The following RTN1 variants were observed in gnomAD, a reference collection of about 807,000 sequenced individuals.
RTN1 encodes reticulon-1.
RTN1 carries 25 observed loss-of-function variants against 65.5 expected under a neutral mutation model. That is an observed-to-expected ratio of 0.38 (90% CI 0.28 to 0.53). The LOEUF (loss-of-function observed/expected upper bound fraction) is 0.53, where lower values mean the gene tolerates loss of function less well. Ranked by LOEUF, RTN1 falls within the 20% of genes least tolerant of loss-of-function variation. RTN1 has a pLI of 0.79. For missense variants in RTN1, 983 were observed against 1,025.4 expected, an observed-to-expected ratio of 0.96 and a Z score of 0.57; for synonymous variants, 471 against 447.6, an observed-to-expected ratio of 1.05 and a Z score of -0.66.
intron 3 of RTN1, among the ~76,000 whole-genome samples, chr14:59,653,016 A>T (rs926046405): frequency 1.3e-5 from 2 of 152,142 alleles, no homozygotes; most frequent in African/African-American, 4.8e-5. Context: ...TTTAAGACAT[A>T]ATCCTGGAAA....
chr14:59,748,216 T>G (rs1302183274), intron 1 of RTN1, among the ~76,000 whole-genome samples: 2 of 151,526 alleles, frequency 1.3e-5, no homozygotes, highest in African/African-American at 2.4e-5. Context: ...TGAGGTTTTT[T>G]TTTTTTTTTT....
At chr14:59,601,532 T>C (rs1303665589) in intron 8 of RTN1, among the ~76,000 whole-genome samples, 1 of 152,214 alleles carries the variant, frequency 6.6e-6, no homozygotes, top group Non-Finnish European at 1.5e-5. Flanking sequence ...GTACCTATCA[T>C]ATGAAGTGTC....
At chr14:59,798,747 A>G in intron 1 of RTN1, among the ~76,000 whole-genome samples, 1 of 149,802 alleles carries the variant, frequency 6.7e-6, no homozygotes, top group South Asian at 2.1e-4. Flanking sequence ...CTTTTGCCAT[A>G]TAATGTAAAA....
intron 3 of RTN1, among the ~76,000 whole-genome samples, chr14:59,697,598 G>T (rs906542158): frequency 6.6e-6 from 1 of 152,016 alleles, no homozygotes; most frequent in Non-Finnish European, 1.5e-5. Flanking sequence ...AGAAAAATAG[G>T]GTTAGCCTAA....
chr14:59,658,171 A>T (rs1883163902), intron 3 of RTN1, among the ~76,000 whole-genome samples: 1 of 152,228 alleles, frequency 6.6e-6, no homozygotes, highest in African/African-American at 2.4e-5. Context: ...CAGCTTAGCA[A>T]AGCCACTGTA....
chr14:59,750,520 T>G (rs1179764808), intron 1 of RTN1, among the ~76,000 whole-genome samples: 1 of 55,102 alleles, frequency 1.8e-5, no homozygotes, highest in Non-Finnish European at 3.0e-5. Flanking sequence ...ATATAATATA[T>G]CTATAATATA....
chr14:59,626,339 TG>T (rs1243327627), intron 3 of RTN1, among the ~76,000 whole-genome samples: 1 of 152,224 alleles, frequency 6.6e-6, no homozygotes, highest in Non-Finnish European at 1.5e-5. Context: ...TTATGCTCTC[TG>T]GAAAGTGTTT....
intron 3 of RTN1, among the ~76,000 whole-genome samples, chr14:59,644,982 C>T (rs1317012801): frequency 1.3e-5 from 2 of 151,890 alleles, no homozygotes; most frequent in Admixed American, 6.6e-5. Flanking sequence ...ACCATCTTTG[C>T]TGTTTCACAG....
At chr14:59,703,728 A>T (rs1884230459) in intron 3 of RTN1, among the ~76,000 whole-genome samples, 1 of 152,236 alleles carries the variant, frequency 6.6e-6, no homozygotes, top group Admixed American at 6.5e-5. Context: ...AAGTGCCTCA[A>T]ACAGTGCCTG....
intron 3 of RTN1, among the ~76,000 whole-genome samples, chr14:59,619,172 G>A (rs148757910): frequency 4.6e-5 from 7 of 152,338 alleles, no homozygotes; most frequent in East Asian, 1.9e-4. Context: ...TGGGAGAAAC[G>A]AGGAAGAGCT....
chr14:59,730,862 A>C (rs1884882224), intron 2 of RTN1, among the ~76,000 whole-genome samples: 1 of 152,248 alleles, frequency 6.6e-6, no homozygotes, highest in African/African-American at 2.4e-5. Context: ...CAAGTTCTGG[A>C]AAAGATTTAG....
At chr14:59,675,313 T>C (rs1883600908) in intron 3 of RTN1, among the ~76,000 whole-genome samples, 1 of 151,964 alleles carries the variant, frequency 6.6e-6, no homozygotes, top group African/African-American at 2.4e-5. Flanking sequence ...ATGGACTGCA[T>C]GTGGAGAGTC....
chr14:59,781,727 C>A (rs1886159285), intron 1 of RTN1, among the ~76,000 whole-genome samples: 1 of 152,106 alleles, frequency 6.6e-6, no homozygotes, highest in Non-Finnish European at 1.5e-5. Flanking sequence ...AAAGTAACTA[C>A]AACTTAAAAT....
intron 3 of RTN1, among the ~76,000 whole-genome samples, chr14:59,637,052 AT>A: frequency 6.6e-6 from 1 of 152,228 alleles, no homozygotes; most frequent in Middle Eastern, 3.4e-3. Context: ...TTTATTAAAG[AT>A]TTTTCTGTAG....
At chr14:59,601,103 G>A (rs1297029847) in intron 8 of RTN1, among the ~76,000 whole-genome samples, 2 of 152,180 alleles carry the variant, frequency 1.3e-5, no homozygotes, top group Non-Finnish European at 2.9e-5. Flanking sequence ...ACTCCACAGA[G>A]CATTCACCAC....
In RTN1 at chr14:59,870,033, C is replaced by G. The variant is rs1487779914; in HGVS notation, c.241+357G>C. On this transcript the variant is annotated intron_variant, in intron 1 of 8. Transcript: ENST00000267484. The surrounding 1 kb of genome is among the most constrained non-coding windows in gnomAD (Gnocchi z 5.1). ...GCCCCCCAAAATCCCCACAACCTGT[C>G]AAACGGGCCCTACAGCTCGGAGCCT... is the stretch of plus-strand genomic sequence containing the variant. Among the ~76,000 whole-genome samples the G allele has an allele frequency of 6.6e-6, 1 of 152,172 alleles. No homozygotes were observed. The highest frequency in any genetic ancestry group is 2.4e-5 in the African/African-American group (1 of 41,456).
intron 3 of RTN1, among the ~76,000 whole-genome samples, chr14:59,716,718 G>A (rs1237649113): frequency 6.6e-6 from 1 of 151,882 alleles, no homozygotes; most frequent in African/African-American, 2.4e-5. Context: ...AGCACTTTGG[G>A]AGGCCAAAGC....
intron 1 of RTN1, among the ~76,000 whole-genome samples, chr14:59,781,948 G>A (rs1242106481): frequency 6.6e-6 from 1 of 152,110 alleles, no homozygotes; most frequent in African/African-American, 2.4e-5. Context: ...GTCATATGTT[G>A]AAATCCTAAT....
chr14:59,806,978 C>T (rs1240725269), intron 1 of RTN1, among the ~76,000 whole-genome samples: 2 of 152,062 alleles, frequency 1.3e-5, no homozygotes, highest in Non-Finnish European at 2.9e-5. Context: ...AGGCTGAGAA[C>T]AAAAAAGTAG....
Sources: gnomAD v4.1 joint callset for allele counts (sites outside exome capture counted in the v4.1 genomes callset) on GRCh38, gnomAD v4.1.1 for gene constraint, Gnocchi (gnomAD v3.1) non-coding constraint, MANE v1.5 for transcripts, NCBI Gene and HGNC (gene_info 2026-07-23, HGNC 2026-07-21) for gene names.